BMPER: variants seen among roughly 807,000 people sequenced by gnomAD.
The protein encoded by BMPER is BMP-binding endothelial regulator protein.
Under a neutral mutation model 87.3 loss-of-function variants are expected in BMPER, and 45 were observed. The ratio of observed to expected loss-of-function variants is 0.52; its 90% confidence interval spans 0.41 to 0.66. The LOEUF is 0.66. Ranked by LOEUF, BMPER falls within the 30% of genes least tolerant of loss-of-function variation. The pLI, the probability that BMPER is intolerant of heterozygous loss-of-function variation, is 0.00. For synonymous variants in BMPER, 326 were observed against 316.2 expected, an observed-to-expected ratio of 1.03 and a Z score of -0.33; for missense variants, 784 against 867.5, an observed-to-expected ratio of 0.90 and a Z score of 1.21.
intron 13 of BMPER, among the ~76,000 whole-genome samples, chr7:34,129,600 GAGAGAGAGAA>G (rs1459598324): frequency 7.7e-6 from 1 of 129,534 alleles, no homozygotes; most frequent in South Asian, 2.8e-4. Flanking sequence ...GAGAGAGAGA[GAGAGAGAGAA>G]AGAGAGAGAG....
At chr7:34,059,140 C>T (rs779114914) in intron 10 of BMPER, among the ~76,000 whole-genome samples, 2 of 152,226 alleles carry the variant, frequency 1.3e-5, no homozygotes, top group Admixed American at 6.5e-5. Flanking sequence ...ACATGGTCTG[C>T]TTATAAATAT....
chr7:33,914,094 C>G (rs1562626790), intron 2 of BMPER, among the ~76,000 whole-genome samples: 1 of 151,616 alleles, frequency 6.6e-6, no homozygotes, highest in African/African-American at 2.4e-5. Context: ...TCCCGAGTAG[C>G]TGGGACTACA....
chr7:34,085,814 C>T lies in BMPER; in HGVS notation c.1467C>T (p.Leu489=). The change falls in exon 13 of 15, where the codon CTC becomes CTT. Residue 489 remains leucine, a synonymous_variant. Transcript: ENST00000649409. ...TAGAAGTCATGGCTGCGCCGCATCT[C>T]AAGGGCAAGCTCTGTGGTCTTTGTG... ...SFVEVMAAPH[L]KGKLCGLCGN... 4 of 1,614,180 alleles carry T rather than the reference C, an allele frequency of 2.5e-6. No homozygotes were observed. The highest frequency in any genetic ancestry group is 3.4e-6 in the Non-Finnish European group (4 of 1,180,036).
At chr7:34,070,816 CTTT>C (rs60588204) in intron 11 of BMPER, among the ~76,000 whole-genome samples, 5 of 119,494 alleles carry the variant, frequency 4.2e-5, no homozygotes, top group Non-Finnish European at 5.2e-5. Flanking sequence ...AGCGGCAGAG[CTTT>C]TTTTTTTTTT....
intron 14 of BMPER, among the ~76,000 whole-genome samples, chr7:34,150,648 A>G (rs1791150075): frequency 6.6e-6 from 1 of 152,204 alleles, no homozygotes; most frequent in African/African-American, 2.4e-5. Flanking sequence ...GATCAGTGAA[A>G]AGTCAAAAGA....
intron 3 of BMPER, among the ~76,000 whole-genome samples, chr7:33,945,243 CTTTTTTTTTTTT>C (rs376447828): frequency 3.8e-4 from 31 of 81,758 alleles, no homozygotes; most frequent in Non-Finnish European, 9.1e-5. Context: ...GCCTGGACTT[CTTTTTTTTTTTT>C]TTTTTTTTTT....
chr7:33,905,878 G>A lies in BMPER; in HGVS notation c.133+132G>A, dbSNP rs751144533. Reference sequence around the variant, plus strand: ...TGGCGCTTGCCCTGCGCTGGTCGATGGGGATGAAGCGAAGCCCCGGGAGGG... The same window carrying A: ...TGGCGCTTGCCCTGCGCTGGTCGATAGGGATGAAGCGAAGCCCCGGGAGGG... On this transcript the variant is annotated intron_variant, in intron 1 of 14. Transcript: ENST00000649409. 11 of 1,289,876 alleles carry A rather than the reference G, an allele frequency of 8.5e-6. No individual in the cohort carries two copies. The Admixed American group carries it at 1.7e-4, about 20-fold the overall frequency. The allele number at this position is 1,289,876 out of a possible 1,614,324, so 79.9% of individuals were successfully genotyped here. A position where few individuals can be genotyped will look rare whatever the true frequency, so the allele number is the denominator to read the frequency against.
In BMPER at chr7:33,906,663, A is replaced by T. The variant is rs1291309609; in HGVS notation, c.134-155A>T. ...TTATTGAAAATGGAGTTGGGGGCAG[A>T]GGTTTTGCTTTGGTGAATTTAATAA... On this transcript the variant is annotated intron_variant, in intron 1 of 14. Coordinates refer to ENST00000649409, the MANE Select transcript of BMPER (RefSeq NM_001365308.1). 3.3e-5 allele frequency among the ~76,000 whole-genome samples: 5 copies of T among 152,176 alleles called. No homozygotes were observed. In the South Asian group the frequency reaches 1.0e-3, roughly 32 times the overall value.
intron 13 of BMPER, among the ~76,000 whole-genome samples, chr7:34,118,096 G>A (rs1790163177): frequency 1.3e-5 from 2 of 152,088 alleles, no homozygotes; most frequent in South Asian, 4.1e-4. Flanking sequence ...CAGGCGGATT[G>A]CAAGGTCAGG....
intron 13 of BMPER, among the ~76,000 whole-genome samples, chr7:34,133,190 G>C (rs1330817287): frequency 6.6e-6 from 1 of 152,112 alleles, no homozygotes; most frequent in Non-Finnish European, 1.5e-5. Flanking sequence ...CATTGCTAGA[G>C]GAACCAACCA....
chr7:33,927,468 C>T (rs1352924053), intron 2 of BMPER, among the ~76,000 whole-genome samples: 1 of 152,200 alleles, frequency 6.6e-6, no homozygotes, highest in African/African-American at 2.4e-5. Flanking sequence ...GCTCACTCTT[C>T]TTCTACCCTT....
intron 2 of BMPER, 90 bp from the exon 3 acceptor site, chr7:33,937,199 G>A (rs540570924): frequency 9.4e-5 from 129 of 1,371,048 alleles, no homozygotes; most frequent in Admixed American, 5.4e-4. Flanking sequence ...CCAGATAAGA[G>A]TGGGGCTCGG....
chr7:33,992,212 T>A (rs989944445), intron 6 of BMPER, among the ~76,000 whole-genome samples: 31 of 140,418 alleles, frequency 2.2e-4, no homozygotes, highest in Non-Finnish European at 4.5e-4. Flanking sequence ...ATGTTGACAG[T>A]GGGGTGTTAA....
At chr7:34,115,124 C>G (rs1790077322) in intron 13 of BMPER, among the ~76,000 whole-genome samples, 1 of 152,158 alleles carries the variant, frequency 6.6e-6, no homozygotes, top group Non-Finnish European at 1.5e-5. Flanking sequence ...GGTTACAAAG[C>G]TGAAGTAGAT....
chr7:33,915,652 C>T (rs1011435951), intron 2 of BMPER, among the ~76,000 whole-genome samples: 3 of 152,114 alleles, frequency 2.0e-5, no homozygotes, highest in Non-Finnish European at 4.4e-5. Context: ...GCCCTTCATC[C>T]GACTTAAATG....
chr7:34,075,396 A>G (rs140210764), intron 11 of BMPER, among the ~76,000 whole-genome samples: 1 of 152,216 alleles, frequency 6.6e-6, no homozygotes, highest in Non-Finnish European at 1.5e-5. Flanking sequence ...ACATAATTCT[A>G]TTACCTTAGA....
intron 3 of BMPER, among the ~76,000 whole-genome samples, chr7:33,947,879 G>A (rs1356126917): frequency 1.3e-5 from 2 of 152,014 alleles, no homozygotes; most frequent in African/African-American, 4.8e-5. Flanking sequence ...TTGCTATGTG[G>A]TTGTTTCGGA....
intron 7 of BMPER, among the ~76,000 whole-genome samples, chr7:34,050,402 A>G (rs1162988169): frequency 1.3e-5 from 2 of 151,974 alleles, no homozygotes; most frequent in Admixed American, 1.3e-4. Flanking sequence ...TTGAGGGCCA[A>G]CAAGTTTGCT....
At chr7:34,129,577 G>GGAGAGAGAGAGAGAGAGAGAGAGAGA (rs759886152) in intron 13 of BMPER, among the ~76,000 whole-genome samples, 3 of 47,718 alleles carry the variant, frequency 6.3e-5, no homozygotes, top group Non-Finnish European at 8.2e-5. Flanking sequence ...AAGGAAGGAA[G>GGAGAGAGAGAGAGAGAGAGAGAGAGA]GAGAGAGAGA....
Sources: allele counts gnomAD v4.1 joint callset (sites outside exome capture counted in the v4.1 genomes callset), GRCh38; gene constraint gnomAD v4.1.1; transcripts MANE v1.5; gene names NCBI Gene and HGNC (gene_info 2026-07-23, HGNC 2026-07-21).